CDC42BPA: variants seen among roughly 807,000 people sequenced by gnomAD.
CDC42BPA encodes the protein CDC42 binding protein kinase alpha.
In CDC42BPA, 80 loss-of-function variants were observed where a neutral mutation model predicts 223.5. That is an observed-to-expected ratio of 0.36 (90% CI 0.30 to 0.43). CDC42BPA has a LOEUF of 0.43. Ranked by LOEUF, CDC42BPA falls within the 20% of genes least tolerant of loss-of-function variation. The probability of loss-of-function intolerance (pLI) is 1.00; values close to 1 mark genes in which losing one functional copy is unlikely to be tolerated. For synonymous variants in CDC42BPA, 694 were observed against 718.6 expected (o/e 0.97, Z 0.55); for missense variants, 1,743 against 2,099.9 (o/e 0.83, Z 3.32).
intron 1 of CDC42BPA, among the ~76,000 whole-genome samples, chr1:227,310,292 C>A (rs1359615982): frequency 6.6e-6 from 1 of 152,144 alleles, no homozygotes; most frequent in Non-Finnish European, 1.5e-5. Flanking sequence ...AAACCTTTCC[C>A]CTTGCTCAAG....
At position 227,112,859 on chromosome 1, in the gene CDC42BPA, C is replaced by T. The variant is rs1382677119; in HGVS notation, c.1702G>A (p.Ala568Thr). 1.1e-5 allele frequency: 17 copies of T among 1,613,820 alleles called. No homozygotes were observed. The highest frequency in any genetic ancestry group is 1.3e-5 in the Non-Finnish European group (15 of 1,179,896). The change falls in exon 13 of 37, where the codon GCA becomes ACA. Residue 568 changes from alanine (A) to threonine (T), a missense_variant. Transcript: ENST00000366766. Reference sequence around the variant, plus strand: ...ATGGCCAGTTTCCTCTGACAGTGTGCGTCTTTCAGCTCTTTGGATTGGTTT... The same window carrying T: ...ATGGCCAGTTTCCTCTGACAGTGTGTGTCTTTCAGCTCTTTGGATTGGTTT... ...LKNQSKELKDAHCQRKLAMQE... is the reference protein window; with the variant it reads ...LKNQSKELKDTHCQRKLAMQE...
intron 17 of CDC42BPA, among the ~76,000 whole-genome samples, chr1:227,075,938 T>A (rs557023980): frequency 4.5e-4 from 68 of 152,202 alleles, no homozygotes; most frequent in Non-Finnish European, 9.1e-4. Flanking sequence ...TTAAGTTATT[T>A]GGAATTTTAT....
chr1:227,050,068 A>G (rs184523796), intron 22 of CDC42BPA, among the ~76,000 whole-genome samples: 6 of 152,292 alleles, frequency 3.9e-5, no homozygotes, highest in Admixed American at 2.6e-4. Flanking sequence ...TAAAATTTTA[A>G]AATAAGCCAC....
intron 21 of CDC42BPA, among the ~76,000 whole-genome samples, chr1:227,057,379 T>TAA: frequency 6.6e-6 from 1 of 152,248 alleles, no homozygotes; most frequent in African/African-American, 2.4e-5. Context: ...ATTTTAAATT[T>TAA]ATTAAAATAC....
At chr1:227,140,554 G>C (rs1004060150) in intron 9 of CDC42BPA, among the ~76,000 whole-genome samples, 3 of 152,056 alleles carry the variant, frequency 2.0e-5, no homozygotes, top group Non-Finnish European at 1.5e-5. Context: ...AGCCCAGAAA[G>C]GAGGCCTGTG....
At chr1:227,048,356 C>T (rs530439977) in intron 22 of CDC42BPA, among the ~76,000 whole-genome samples, 76 of 151,858 alleles carry the variant, frequency 5.0e-4, no homozygotes, top group Non-Finnish European at 8.3e-4. Context: ...CTGAATTTGC[C>T]ATATTCTAAA....
chr1:227,179,359 G>A (rs918443560), intron 5 of CDC42BPA, among the ~76,000 whole-genome samples: 3 of 151,996 alleles, frequency 2.0e-5, no homozygotes, highest in East Asian at 1.9e-4. Flanking sequence ...TTTTAAGGCC[G>A]GGCATGGTGG....
chr1:227,085,604 A>G (rs1336115282), intron 16 of CDC42BPA, among the ~76,000 whole-genome samples: 3 of 152,180 alleles, frequency 2.0e-5, no homozygotes, highest in African/African-American at 7.2e-5. Context: ...CCCTCTGGCA[A>G]AACAACAACA....
chr1:227,255,092 A>T (rs1329080190), intron 1 of CDC42BPA, among the ~76,000 whole-genome samples: 13 of 152,252 alleles, frequency 8.5e-5, no homozygotes, highest in Admixed American at 8.5e-4. Context: ...CTGGTAAATT[A>T]AAAATGTTTA....
intron 1 of CDC42BPA, among the ~76,000 whole-genome samples, chr1:227,291,031 C>T (rs1393492286): frequency 4.6e-5 from 7 of 152,184 alleles, no homozygotes; most frequent in Admixed American, 3.3e-4. Flanking sequence ...ACTTCCCATA[C>T]ACAGCCCATA....
intron 1 of CDC42BPA, among the ~76,000 whole-genome samples, chr1:227,259,656 T>C (rs1315012489): frequency 6.6e-6 from 1 of 150,880 alleles, no homozygotes; most frequent in East Asian, 1.9e-4. Context: ...CTCATTAATA[T>C]TATAAGGCCT....
intron 2 of CDC42BPA, among the ~76,000 whole-genome samples, chr1:227,223,126 A>G (rs181902202): frequency 6.6e-6 from 1 of 152,204 alleles, no homozygotes; most frequent in African/African-American, 2.4e-5. Context: ...ACGTATGTTA[A>G]AAGTTTTTTT....
intron 21 of CDC42BPA, among the ~76,000 whole-genome samples, chr1:227,053,993 T>C (rs897248811): frequency 6.6e-5 from 10 of 152,202 alleles, no homozygotes; most frequent in Admixed American, 2.0e-4. Flanking sequence ...CAAAGCAGAA[T>C]TGATACATTT....
intron 5 of CDC42BPA, among the ~76,000 whole-genome samples, chr1:227,169,174 A>C (rs1214135159): frequency 6.6e-6 from 1 of 152,142 alleles, no homozygotes; most frequent in Non-Finnish European, 1.5e-5. Context: ...TATTGTGAAC[A>C]CATTTTATTT....
intron 5 of CDC42BPA, among the ~76,000 whole-genome samples, chr1:227,178,679 G>C (rs1667385272): frequency 6.6e-6 from 1 of 152,134 alleles, no homozygotes; most frequent in Non-Finnish European, 1.5e-5. Flanking sequence ...ATTTTTAGTA[G>C]AGACGGGGTT....
At chr1:227,116,693 TTA>T (rs954481161) in intron 12 of CDC42BPA, among the ~76,000 whole-genome samples, 2 of 152,170 alleles carry the variant, frequency 1.3e-5, no homozygotes, top group East Asian at 1.9e-4. Context: ...AGAGAAACTT[TTA>T]TGTTTTTGCA....
Position 227,145,672 on chromosome 1 carries a change from C to A in CDC42BPA, c.960G>T (p.Arg320Ser). The A allele has an allele frequency of 6.2e-7, 1 of 1,613,686 alleles. No individual in the cohort carries two copies. Among genetic ancestry groups the A allele is most frequent in the Non-Finnish European group, 8.5e-7 (1 of 1,179,728 alleles). ...GTCGATGTTCTCTGCTACAAATGAG[C>A]CTTCGAATAAGATCCTTAGCATTTT... ...VSENAKDLIRRLICSREHRLG... is the reference protein window; with the variant it reads ...VSENAKDLIRSLICSREHRLG... The change falls in exon 8 of 37, where the codon AGG becomes AGT. Residue 320 changes from arginine to serine, a missense_variant. Arg to Ser is a moderately radical substitution (Grantham distance 110). Transcript: ENST00000366766.
At chr1:227,144,285 G>T (rs1054487421) in intron 8 of CDC42BPA, among the ~76,000 whole-genome samples, 3 of 151,988 alleles carry the variant, frequency 2.0e-5, no homozygotes, top group Non-Finnish European at 2.9e-5. Flanking sequence ...AATTAAGAAG[G>T]CTAAAAAGGG....
chr1:227,227,372 C>T (rs2718218), intron 2 of CDC42BPA, among the ~76,000 whole-genome samples: 24,020 of 152,102 alleles, frequency 0.16, 2,184 homozygotes, highest in East Asian at 0.37. Context: ...TTCAATTCTC[C>T]TTTCATCTGT....
Sources: gnomAD v4.1 joint callset for allele counts (sites outside exome capture counted in the v4.1 genomes callset) on GRCh38, gnomAD v4.1.1 for gene constraint, MANE v1.5 for transcripts, NCBI Gene and HGNC (gene_info 2026-07-23, HGNC 2026-07-21) for gene names.